Variants in MAP3K21 observed in about 807,000 individuals in gnomAD.
The protein encoded by MAP3K21 is mitogen-activated protein kinase kinase kinase MLK4.
A neutral mutation model predicts 86.1 loss-of-function variants in MAP3K21; 63 were observed. That is an observed-to-expected ratio of 0.73 (90% confidence interval 0.60 to 0.90). MAP3K21 has a LOEUF of 0.90. Among genes scored for constraint, MAP3K21 ranks in the 40% least tolerant of loss-of-function variants. The pLI, the probability that MAP3K21 is intolerant of heterozygous loss-of-function variation, is 0.00. For missense variants in MAP3K21, 1,220 were observed against 1,367.7 expected (o/e 0.89, Z 1.70); for synonymous variants, 558 against 564.8 (o/e 0.99, Z 0.17).
intron 8 of MAP3K21, among the ~76,000 whole-genome samples, chr1:233,377,589 C>T (rs1663824462): frequency 6.6e-6 from 1 of 152,158 alleles, no homozygotes; most frequent in East Asian, 1.9e-4. Flanking sequence ...AGAAAGCTGG[C>T]ACCCCAAATT....
chr1:233,328,179 G>C lies in MAP3K21; in HGVS notation c.151G>C (p.Ala51Pro). Residue 51 changes from alanine to proline, a missense_variant, in exon 1 of 10, where the codon GCT (alanine) becomes CCT (proline). By Grantham distance (27) the Ala-to-Pro change is conservative. Coordinates refer to ENST00000366624, the MANE Select transcript of MAP3K21 (RefSeq NM_032435.3). This position sits in a 1 kb window ranked among gnomAD's most constrained non-coding sequence, Gnocchi z 8.7. ...GLWAALYDYEARGEDELSLRR... is the reference protein window; with the variant it reads ...GLWAALYDYEPRGEDELSLRR... ...GTGGGCCGCGCTCTATGACTACGAG[G>C]CTCGCGGCGAGGACGAGCTGAGCCT... 6.8e-7 allele frequency: 1 copy of C among 1,478,986 alleles called. No homozygotes were observed. Among genetic ancestry groups the C allele is most frequent in the South Asian group, 1.3e-5 (1 of 78,260 alleles). 91.6% of individuals were successfully genotyped at this position (1,478,986 alleles called of 1,614,324 possible).
intron 1 of MAP3K21, among the ~76,000 whole-genome samples, chr1:233,334,034 T>G (rs1219146611): frequency 1.3e-5 from 2 of 152,100 alleles, no homozygotes; most frequent in African/African-American, 2.4e-5. Flanking sequence ...AGCTAATTTT[T>G]TTTTGTATTT....
chr1:233,368,758 C>T lies in MAP3K21; in HGVS notation c.1553-3280C>T, dbSNP rs1198962005. Among the ~76,000 whole-genome samples the T allele has an allele frequency of 2.6e-5, 4 of 152,146 alleles. No homozygotes were observed. The East Asian group carries it at 7.7e-4, about 29-fold the overall frequency. On this transcript the variant is annotated intron_variant, in intron 5 of 9. Coordinates refer to ENST00000366624, the MANE Select transcript of MAP3K21 (RefSeq NM_032435.3). ...AATCTCCTCCAGCCTGCTGTGTATT[C>T]CTCAGCAACTCACTTCAAGCACCAG... is the stretch of plus-strand genomic sequence containing the variant.
At chr1:233,360,941 C>T (rs970711636) in intron 4 of MAP3K21, among the ~76,000 whole-genome samples, 12 of 152,174 alleles carry the variant, frequency 7.9e-5, no homozygotes, top group African/African-American at 2.9e-4. Context: ...AAGGCATCTG[C>T]AGTTTCCAAC....
chr1:233,345,056 G>A (rs1193516655), intron 1 of MAP3K21, among the ~76,000 whole-genome samples: 1 of 152,118 alleles, frequency 6.6e-6, no homozygotes, highest in African/African-American at 2.4e-5. Context: ...CAGTTAGAAG[G>A]GCGACCATTA....
rs142045052 is a variant in MAP3K21 at position 233,340,865 on chromosome 1, C to T, written c.806-5577C>T. Among the ~76,000 whole-genome samples, 34 of 152,130 alleles carry T rather than the reference C, an allele frequency of 2.2e-4. No homozygotes were observed. In the East Asian group the frequency reaches 3.9e-3, roughly 17 times the overall value. ...AATACATTTCCAGTTAAAGATTAAT[C>T]GAAACTCATTTGACTCATTAAATAA... On this transcript the variant is annotated intron_variant, in intron 1 of 9. Transcript: ENST00000366624.
At position 233,379,274 on chromosome 1, in the gene MAP3K21, G is replaced by A. The variant is rs775463950; in HGVS notation, c.2268G>A (p.Glu756=). 6.2e-7 allele frequency: 1 copy of A among 1,614,212 alleles called. No individual in the cohort carries two copies. The highest frequency in any genetic ancestry group is 1.3e-5 in the African/African-American group (1 of 75,062). ...CTGAAGAACCGTTGCCCAAGGAAGA[G>A]AAGAAGAAACGAGAGGGAATCTTCC... is the stretch of plus-strand genomic sequence containing the variant. ...QAAEEPLPKE[E]KKKREGIFQR... Residue 756 remains glutamate, a synonymous_variant, in exon 9 of 10, where the codon GAG becomes GAA. Coordinates refer to ENST00000366624, the MANE Select transcript of MAP3K21 (RefSeq NM_032435.3).
chr1:233,378,789 T>C, intron 8 of MAP3K21, 142 bp from the exon 9 acceptor site: 1 of 663,962 alleles, frequency 1.5e-6, no homozygotes, highest in East Asian at 2.8e-5. Context: ...CCTGGATGAA[T>C]CATTTGCAGA....
intron 5 of MAP3K21, among the ~76,000 whole-genome samples, chr1:233,371,169 C>T (rs1032254322): frequency 7.2e-5 from 11 of 152,160 alleles, no homozygotes; most frequent in African/African-American, 2.7e-4. Context: ...GCCTAGAGCA[C>T]AAAATGCTTT....
chr1:233,369,510 A>G (rs1343016205), intron 5 of MAP3K21, among the ~76,000 whole-genome samples: 1 of 152,214 alleles, frequency 6.6e-6, no homozygotes, highest in African/African-American at 2.4e-5. Flanking sequence ...CCAGGAATTG[A>G]AAAAAGTTCA....
intron 3 of MAP3K21, 35 bp from the exon 4 acceptor site, chr1:233,354,801 A>G (rs771975176): frequency 2.3e-6 from 2 of 860,576 alleles, no homozygotes; most frequent in Non-Finnish European, 1.6e-6. Flanking sequence ...AACTGCGTTG[A>G]GAGATGGTAT....
At chr1:233,335,234 GA>G (rs1369076147) in intron 1 of MAP3K21, among the ~76,000 whole-genome samples, 8 of 152,124 alleles carry the variant, frequency 5.3e-5, no homozygotes, top group Non-Finnish European at 1.2e-4. Context: ...GGAGAGCTGT[GA>G]TGGCTTTATT....
At chr1:233,337,309 G>A (rs1429002847) in intron 1 of MAP3K21, among the ~76,000 whole-genome samples, 1 of 152,188 alleles carries the variant, frequency 6.6e-6, no homozygotes, top group African/African-American at 2.4e-5. Flanking sequence ...TAGCCTGTGG[G>A]CTCTAGTTTG....
intron 1 of MAP3K21, among the ~76,000 whole-genome samples, chr1:233,329,356 C>T (rs554606275): frequency 6.6e-6 from 1 of 152,144 alleles, no homozygotes; most frequent in Non-Finnish European, 1.5e-5. Flanking sequence ...TGTTTTCATT[C>T]AAATGTCTCT....
Position 233,355,013 on chromosome 1 carries a change from T to C in MAP3K21, c.1311+2T>C. On this transcript the variant is annotated splice_donor_variant, in intron 4 of 9. Coordinates refer to ENST00000366624, the MANE Select transcript of MAP3K21 (RefSeq NM_032435.3). LOFTEE classifies it high-confidence loss of function. The stretch of plus-strand genomic sequence containing the variant: ...GATGAGTTGAGAACAAAGGAAAAGG[T>C]GAGAGAAATTTTTAAACAGCATAAT... 1 of 1,605,996 alleles carries C rather than the reference T, an allele frequency of 6.2e-7. No individual in the cohort carries two copies.
chr1:233,365,431 A>G (rs1188342327), intron 5 of MAP3K21, among the ~76,000 whole-genome samples: 1 of 152,238 alleles, frequency 6.6e-6, no homozygotes, highest in Non-Finnish European at 1.5e-5. Context: ...CTCAATGGCA[A>G]AAACACAAAT....
Position 233,381,280 on chromosome 1 carries a change from G to A in MAP3K21, c.2705-1025G>A, listed in dbSNP as rs192656580. Among the ~76,000 whole-genome samples the A allele has an allele frequency of 9.2e-5, 14 of 152,290 alleles. No individual in the cohort carries two copies. In the East Asian group the frequency reaches 2.3e-3, roughly 25 times the overall value. On this transcript the variant is annotated intron_variant, in intron 9 of 9. Coordinates refer to ENST00000366624, the MANE Select transcript of MAP3K21 (RefSeq NM_032435.3). ...TTTCTTCATCTATAAAATGGGGACA[G>A]TAACAATATACATACCTAATACTAT...
chr1:233,328,346 C>T lies in MAP3K21; in HGVS notation c.318C>T (p.Pro106=), dbSNP rs746043112. Residue 106 remains proline (P), a synonymous_variant, in exon 1 of 10, where the codon CCC becomes CCT. Coordinates refer to ENST00000366624, the MANE Select transcript of MAP3K21 (RefSeq NM_032435.3). The surrounding 1 kb of genome is among the most constrained non-coding windows in gnomAD (Gnocchi z 8.7). ...CTCCCTGCCGCCCGGCCGCCAGCCC[C>T]GCGCCGCCGCCCTCGCGGCCCAGCT... is the stretch of plus-strand genomic sequence containing the variant. ...YVAPCRPAAS[P]APPPSRPSSP... The T allele has an allele frequency of 8.4e-5, 124 of 1,467,764 alleles. No homozygotes were observed. Among genetic ancestry groups the T allele is most frequent in the Non-Finnish European group, 1.1e-4 (119 of 1,118,728 alleles). 90.9% of individuals were successfully genotyped at this position (1,467,764 alleles called of 1,614,324 possible).
At chr1:233,377,886 A>G (rs917423040) in intron 8 of MAP3K21, among the ~76,000 whole-genome samples, 2 of 152,170 alleles carry the variant, frequency 1.3e-5, no homozygotes, top group Non-Finnish European at 1.5e-5. Context: ...TCTCATAAGG[A>G]GCAACCTAGA....
Sources: allele counts gnomAD v4.1 joint callset (sites outside exome capture counted in the v4.1 genomes callset), GRCh38; gene constraint gnomAD v4.1.1; non-coding constraint Gnocchi (gnomAD v3.1); transcripts MANE v1.5; gene names NCBI Gene and HGNC (gene_info 2026-07-23, HGNC 2026-07-21).